The following BRINP1 variants were observed in gnomAD, a reference collection of about 807,000 sequenced individuals.
BRINP1 encodes the protein BMP/retinoic acid inducible neural specific 1.
A neutral mutation model predicts 72.9 loss-of-function variants in BRINP1; 17 were observed. The observed-to-expected ratio is 0.23, with a 90% CI of 0.16 to 0.35. The LOEUF is 0.35. BRINP1 is among the 10% of genes least tolerant of loss of function. The probability of loss-of-function intolerance (pLI) is 1.00; values close to 1 mark genes in which losing one functional copy is unlikely to be tolerated. For missense variants in BRINP1, 850 were observed against 1,001.6 expected, an observed-to-expected ratio of 0.85 and a Z score of 2.04; for synonymous variants, 418 against 378.5, an observed-to-expected ratio of 1.10 and a Z score of -1.21.
intron 2 of BRINP1, among the ~76,000 whole-genome samples, chr9:119,257,308 C>T (rs1588180204): frequency 6.6e-6 from 1 of 152,266 alleles, no homozygotes; most frequent in Middle Eastern, 3.4e-3. Context: ...GTTTGATGGG[C>T]TCAAGGTAGC....
intron 1 of BRINP1, among the ~76,000 whole-genome samples, chr9:119,363,970 A>G (rs1289066874): frequency 6.6e-6 from 1 of 151,462 alleles, no homozygotes; most frequent in African/African-American, 2.4e-5. Context: ...TAGGCACCCA[A>G]TAAATATTTG....
chr9:119,365,915 C>T (rs759973299), intron 1 of BRINP1, among the ~76,000 whole-genome samples: 1 of 152,048 alleles, frequency 6.6e-6, no homozygotes, highest in Non-Finnish European at 1.5e-5. Context: ...TGCAGATGGG[C>T]CTAAAACCCC....
chr9:119,311,579 T>C (rs1831068732), intron 2 of BRINP1, among the ~76,000 whole-genome samples: 1 of 152,174 alleles, frequency 6.6e-6, no homozygotes, highest in Non-Finnish European at 1.5e-5. Flanking sequence ...GGTTGAAAAC[T>C]GCTGATCTAC....
chr9:119,269,423 T>C (rs1017855140), intron 2 of BRINP1, among the ~76,000 whole-genome samples: 1 of 152,176 alleles, frequency 6.6e-6, no homozygotes, highest in African/African-American at 2.4e-5. Context: ...TACTGTGTCT[T>C]ATTCCCTCCA....
At chr9:119,181,286 C>T (rs1829554123) in intron 7 of BRINP1, among the ~76,000 whole-genome samples, 1 of 152,104 alleles carries the variant, frequency 6.6e-6, no homozygotes, top group Non-Finnish European at 1.5e-5. Flanking sequence ...TCTAGTGGGC[C>T]TTAACCCTGA....
intron 7 of BRINP1, among the ~76,000 whole-genome samples, chr9:119,183,406 A>G (rs1289997198): frequency 1.3e-5 from 2 of 152,132 alleles, no homozygotes; most frequent in Admixed American, 1.3e-4. Flanking sequence ...AGTTCATTTC[A>G]TATATAAAGC....
chr9:119,352,007 A>G (rs529860975), intron 1 of BRINP1, among the ~76,000 whole-genome samples: 2 of 152,096 alleles, frequency 1.3e-5, no homozygotes, highest in South Asian at 4.2e-4. Context: ...CATGTTGGCC[A>G]GGCTGGTCTC....
At chr9:119,177,153 T>C (rs535403351) in intron 7 of BRINP1, among the ~76,000 whole-genome samples, 1 of 152,220 alleles carries the variant, frequency 6.6e-6, no homozygotes, top group African/African-American at 2.4e-5. Flanking sequence ...CATATTTTTC[T>C]TGTTAGTTTT....
intron 2 of BRINP1, among the ~76,000 whole-genome samples, chr9:119,296,571 C>T (rs1401210644): frequency 6.6e-6 from 1 of 152,144 alleles, no homozygotes; most frequent in Non-Finnish European, 1.5e-5. Flanking sequence ...ATTCTCATGT[C>T]CATTGCAGAG....
chr9:119,290,750 A>G (rs1012504572), intron 2 of BRINP1, among the ~76,000 whole-genome samples: 9 of 152,216 alleles, frequency 5.9e-5, no homozygotes, highest in African/African-American at 1.9e-4. Context: ...GAAGACTTCA[A>G]TAAAACATCT....
chr9:119,328,788 C>A (rs1831264436), intron 1 of BRINP1, among the ~76,000 whole-genome samples: 1 of 152,074 alleles, frequency 6.6e-6, no homozygotes, highest in Non-Finnish European at 1.5e-5. Flanking sequence ...CTCAGGGGAG[C>A]TGAGATTTGG....
chr9:119,269,565 A>C (rs893767415), intron 2 of BRINP1, among the ~76,000 whole-genome samples: 1 of 152,144 alleles, frequency 6.6e-6, no homozygotes, highest in African/African-American at 2.4e-5. Context: ...AGTGCCTTCT[A>C]GTTTACAAAG....
chr9:119,222,168 A>T (rs562703862), intron 5 of BRINP1, among the ~76,000 whole-genome samples: 2 of 152,164 alleles, frequency 1.3e-5, no homozygotes, highest in Non-Finnish European at 2.9e-5. Flanking sequence ...GATAGGGGCC[A>T]TCGGAGGAGC....
chr9:119,247,528 G>C (rs916594664), intron 3 of BRINP1, among the ~76,000 whole-genome samples: 2 of 152,138 alleles, frequency 1.3e-5, no homozygotes, highest in East Asian at 3.9e-4. Context: ...GGTGGTGGGC[G>C]CCTGTAGTCC....
At chr9:119,256,788 G>A (rs1371996323) in intron 2 of BRINP1, among the ~76,000 whole-genome samples, 1 of 152,178 alleles carries the variant, frequency 6.6e-6, no homozygotes, top group Non-Finnish European at 1.5e-5. Context: ...AGGGCGCACT[G>A]GATAAATGTG....
intron 1 of BRINP1, among the ~76,000 whole-genome samples, chr9:119,355,742 A>G (rs1484184387): frequency 2.0e-5 from 3 of 151,790 alleles, no homozygotes; most frequent in African/African-American, 7.3e-5. Flanking sequence ...AAAAAAAAAA[A>G]AAAGATACAC....
intron 1 of BRINP1, among the ~76,000 whole-genome samples, chr9:119,321,340 T>G (rs1831184707): frequency 6.6e-6 from 1 of 152,196 alleles, no homozygotes; most frequent in Non-Finnish European, 1.5e-5. Context: ...AACTGGAGAC[T>G]GTGCTGCCCA....
Position 119,167,126 on chromosome 9 carries a change from C to G in BRINP1, c.2244G>C (p.Glu748Asp). Residue 748 changes from glutamate to aspartate, a missense_variant, in exon 8 of 8, where the codon GAG becomes GAC. Coordinates refer to ENST00000265922, the MANE Select transcript of BRINP1 (RefSeq NM_014618.3). The surrounding 1 kb of genome is among the most constrained non-coding windows in gnomAD (Gnocchi z 4.3). Reference protein sequence around the residue: ...VNHALDLYNTEILKQSDQMTA... With the variant: ...VNHALDLYNTDILKQSDQMTA... ...TCATCTGGTCCGACTGTTTGAGGAT[C>G]TCCGTGTTGTACAGGTCCAAGGCGT... The G allele has an allele frequency of 6.2e-7, 1 of 1,613,112 alleles. No homozygotes were observed. Among genetic ancestry groups the G allele is most frequent in the Non-Finnish European group, 8.5e-7 (1 of 1,179,414 alleles).
chr9:119,251,980 A>G (rs1830393887), intron 2 of BRINP1, among the ~76,000 whole-genome samples: 1 of 151,696 alleles, frequency 6.6e-6, no homozygotes, highest in Admixed American at 6.6e-5. Context: ...AAGTCCCTCT[A>G]TGTCTTTCTC....
Sources: gnomAD v4.1 joint callset for allele counts (sites outside exome capture counted in the v4.1 genomes callset) on GRCh38, gnomAD v4.1.1 for gene constraint, Gnocchi (gnomAD v3.1) non-coding constraint, MANE v1.5 for transcripts, NCBI Gene and HGNC (gene_info 2026-07-23, HGNC 2026-07-21) for gene names.